The following FAT3 variants were observed in gnomAD, a reference collection of about 807,000 sequenced individuals.
FAT3 encodes protocadherin Fat 3.
Under a neutral mutation model 310.2 loss-of-function variants are expected in FAT3, and 95 were observed. The ratio of observed to expected loss-of-function variants is 0.31; its 90% confidence interval spans 0.26 to 0.36. The LOEUF (loss-of-function observed/expected upper bound fraction) is 0.36. Among genes scored for constraint, FAT3 ranks in the 10% least tolerant of loss-of-function variants. FAT3 has a pLI of 1.00. For missense variants in FAT3, 5,408 were observed against 5,715.6 expected, an observed-to-expected ratio of 0.95 and a Z score of 1.74; for synonymous variants, 2,314 against 2,192.9, an observed-to-expected ratio of 1.06 and a Z score of -1.54.
At chr11:92,299,398 G>T (rs1946932591) in intron 1 of FAT3, among the ~76,000 whole-genome samples, 1 of 152,092 alleles carries the variant, frequency 6.6e-6, no homozygotes, top group Non-Finnish European at 1.5e-5. Context: ...GAAAGAGTTA[G>T]TCTAGATAAT....
At position 92,353,325 on chromosome 11, in the gene FAT3, A is replaced by C. The variant is rs746462219; in HGVS notation, c.1213A>C (p.Ile405Leu). The C allele has an allele frequency of 6.2e-7, 1 of 1,613,618 alleles. No homozygotes were observed. The highest frequency in any genetic ancestry group is 1.1e-5 in the South Asian group (1 of 91,032). Residue 405 changes from isoleucine (I) to leucine (L), a missense_variant, in exon 2 of 28, where the codon ATA becomes CTA. Ile to Leu is a conservative substitution (Grantham distance 5, BLOSUM62 2). This residue lies in a region of FAT3 where 4,588 missense variants were observed against 4,809.8 expected (regional missense o/e 0.95). Coordinates refer to ENST00000525166, the MANE Select transcript of FAT3 (RefSeq NM_001367949.2). ...VAIVKLSPEP[I>L]DVEYKLSPGE... ...TATAGTAAAATTAAGTCCTGAACCG[A>C]TAGATGTGGAATACAAATTATCTCC...
rs554660695 is a variant in FAT3 at position 92,340,029 on chromosome 11, G to A, written c.-17-12067G>A. Among the ~76,000 whole-genome samples the A allele has an allele frequency of 4.5e-3, 666 of 148,090 alleles. 9 individuals carry two copies. Among genetic ancestry groups the A allele is most frequent in the African/African-American group, 0.016 (627 of 39,820 alleles). ...CGGGAGGCTGAGGCAGGAGAATGGCGTGAACCTGGGAGGCAGAGCTTGCAG... is the reference window on the plus strand; with the variant it reads ...CGGGAGGCTGAGGCAGGAGAATGGCATGAACCTGGGAGGCAGAGCTTGCAG... On this transcript the variant is annotated intron_variant, in intron 1 of 27. Coordinates refer to ENST00000525166, the MANE Select transcript of FAT3 (RefSeq NM_001367949.2).
At chr11:92,726,827 C>G (rs1945015713) in intron 4 of FAT3, among the ~76,000 whole-genome samples, 1 of 150,036 alleles carries the variant, frequency 6.7e-6, no homozygotes, top group South Asian at 2.1e-4. Flanking sequence ...CTGACAGATT[C>G]AACATGAAAA....
intron 3 of FAT3, among the ~76,000 whole-genome samples, chr11:92,555,982 A>G (rs868769990): frequency 4.5e-4 from 68 of 152,220 alleles, no homozygotes; most frequent in Non-Finnish European, 7.3e-5. Context: ...GTTTAAAAAT[A>G]GGACTGATAA....
At chr11:92,780,087 GC>G (rs1275228325) in intron 7 of FAT3, among the ~76,000 whole-genome samples, 1 of 151,876 alleles carries the variant, frequency 6.6e-6, no homozygotes, top group Non-Finnish European at 1.5e-5. Flanking sequence ...CTTGATTTCG[GC>G]CTTGAGTCCT....
intron 3 of FAT3, among the ~76,000 whole-genome samples, chr11:92,608,395 C>G (rs1940405359): frequency 6.6e-6 from 1 of 152,074 alleles, no homozygotes; most frequent in Admixed American, 6.6e-5. Flanking sequence ...TTAGTTGTTA[C>G]TTTTCAACCT....
At chr11:92,691,938 C>G (rs772232742) in intron 3 of FAT3, among the ~76,000 whole-genome samples, 1 of 152,034 alleles carries the variant, frequency 6.6e-6, no homozygotes, top group Non-Finnish European at 1.5e-5. Flanking sequence ...TGTATATGAA[C>G]TGTTTAATAT....
intron 3 of FAT3, among the ~76,000 whole-genome samples, chr11:92,664,492 C>T (rs1416139774): frequency 6.6e-6 from 1 of 152,130 alleles, no homozygotes; most frequent in Non-Finnish European, 1.5e-5. Flanking sequence ...CTTAACTAGG[C>T]TCTCAAATCT....
intron 3 of FAT3, among the ~76,000 whole-genome samples, chr11:92,534,982 G>T (rs542907978): frequency 6.6e-6 from 1 of 152,282 alleles, no homozygotes; most frequent in Non-Finnish European, 1.5e-5. Context: ...GGGCAATGTA[G>T]CAAGGCCTCT....
intron 2 of FAT3, among the ~76,000 whole-genome samples, chr11:92,463,195 G>A (rs550122237): frequency 6.6e-6 from 1 of 152,188 alleles, no homozygotes; most frequent in Non-Finnish European, 1.5e-5. Context: ...ATAATGTGTG[G>A]TATTGACCAA....
chr11:92,501,931 G>A (rs756069239), intron 2 of FAT3, among the ~76,000 whole-genome samples: 2 of 151,758 alleles, frequency 1.3e-5, no homozygotes, highest in African/African-American at 2.4e-5. Flanking sequence ...TTATGAACTC[G>A]AGGAGTTCAC....
At chr11:92,793,991 G>A (rs182732787) in intron 9 of FAT3, among the ~76,000 whole-genome samples, 17 of 151,878 alleles carry the variant, frequency 1.1e-4, no homozygotes, top group Middle Eastern at 3.4e-3. Context: ...CTTGTATTAG[G>A]CACCCACATT....
chr11:92,481,886 A>G (rs1211513323), intron 2 of FAT3, among the ~76,000 whole-genome samples: 1 of 152,222 alleles, frequency 6.6e-6, no homozygotes, highest in Non-Finnish European at 1.5e-5. Flanking sequence ...AATTATTGTT[A>G]TAAAATGGAT....
At chr11:92,625,973 A>G (rs1205009195) in intron 3 of FAT3, among the ~76,000 whole-genome samples, 1 of 152,204 alleles carries the variant, frequency 6.6e-6, no homozygotes, top group African/African-American at 2.4e-5. Context: ...TTGCCTGACA[A>G]AATTATTTCC....
intron 1 of FAT3, among the ~76,000 whole-genome samples, chr11:92,284,213 G>C (rs1160323217): frequency 6.6e-6 from 1 of 152,072 alleles, no homozygotes; most frequent in Non-Finnish European, 1.5e-5. Flanking sequence ...ATAGAAAAGG[G>C]AGGGAAAACA....
At chr11:92,589,448 A>G (rs972057089) in intron 3 of FAT3, among the ~76,000 whole-genome samples, 2 of 152,082 alleles carry the variant, frequency 1.3e-5, no homozygotes. Context: ...CTCCATATAT[A>G]TGTGTTGAAT....
At chr11:92,367,886 G>A (rs1448967951) in intron 2 of FAT3, among the ~76,000 whole-genome samples, 5 of 152,314 alleles carry the variant, frequency 3.3e-5, no homozygotes, top group Admixed American at 2.0e-4. Context: ...GTCAAGGAAT[G>A]CCTAATCCCA....
chr11:92,710,438 C>G (rs1252075482), intron 4 of FAT3, among the ~76,000 whole-genome samples: 1 of 152,178 alleles, frequency 6.6e-6, no homozygotes, highest in Non-Finnish European at 1.5e-5. Flanking sequence ...GCCTAAGAAC[C>G]TCTTCTCATT....
chr11:92,234,623 G>C (rs1191557129), intron 1 of FAT3, among the ~76,000 whole-genome samples: 1 of 152,028 alleles, frequency 6.6e-6, no homozygotes, highest in Non-Finnish European at 1.5e-5. Flanking sequence ...TACAAAAATT[G>C]CCAGGCACGG....
Sources: gnomAD v4.1 joint callset for allele counts (sites outside exome capture counted in the v4.1 genomes callset) on GRCh38, gnomAD v4.1.1 for gene constraint, gnomAD v4.1.1 regional missense constraint, MANE v1.5 for transcripts, NCBI Gene and HGNC (gene_info 2026-07-23, HGNC 2026-07-21) for gene names.